GUCY2F: variants seen among roughly 807,000 people sequenced by gnomAD.
GUCY2F encodes the protein retinal guanylyl cyclase 2.
GUCY2F carries 61 observed loss-of-function variants against 73.1 expected under a neutral mutation model. That is an observed-to-expected ratio of 0.83 (90% CI 0.68 to 1.03). The LOEUF is 1.03. Among genes scored for constraint, GUCY2F ranks in the 50% least tolerant of loss-of-function variants. The pLI, the probability that GUCY2F is intolerant of heterozygous loss-of-function variation, is 0.00. For synonymous variants in GUCY2F, 331 were observed against 307.8 expected (o/e 1.08, Z -0.79); for missense variants, 912 against 854.3 (o/e 1.07, Z -0.84).
At chrX:109,451,923 A>G in intron 5 of GUCY2F, 100 bp downstream of exon 5, 3 of 532,363 alleles carry the variant, frequency 5.6e-6, no homozygotes, top group Non-Finnish European at 9.9e-6. Context: ...TGGGTCATGT[A>G]ATGAGGCAAT....
chrX:109,459,900 C>T lies in GUCY2F; in HGVS notation c.1032+5242G>A, dbSNP rs746667493. Among the ~76,000 whole-genome samples, 131 of 110,796 alleles carry T rather than the reference C, an allele frequency of 1.2e-3. 6 individuals carry two copies. The highest frequency in any genetic ancestry group is 7.8e-4 in the Non-Finnish European group (41 of 52,800). ...GAAAAATTAGGAACTGAGGAAAAAA[C>T]GGATAAAATAGAGAGCAGAAGAAAA... On this transcript the variant is annotated intron_variant, in intron 3 of 19. Transcript: ENST00000218006.
chrX:109,424,965 C>T lies in GUCY2F; in HGVS notation c.1791+5342G>A, dbSNP rs1011460742. On this transcript the variant is annotated intron_variant, in intron 8 of 19. Transcript: ENST00000218006. The stretch of plus-strand genomic sequence containing the variant: ...TATTTTTAGTACAGACAGGGTTTCA[C>T]CACGTTGGCCAGGCTGGTCTCGAAC... Among the ~76,000 whole-genome samples the T allele has an allele frequency of 3.6e-5, 4 of 110,815 alleles. No individual in the cohort carries two copies. In the Admixed American group the frequency reaches 3.9e-4, roughly 11 times the overall value.
In GUCY2F at chrX:109,430,361, TC is replaced by T. The variant is rs771129225; in HGVS notation, c.1736del (p.Gly579GlufsTer19). On this transcript the variant is annotated frameshift_variant, in exon 8 of 20. Coordinates refer to ENST00000218006, the MANE Select transcript of GUCY2F (RefSeq NM_001522.3). LOFTEE classifies it high-confidence loss of function. ...TGATGGACTTAAGGTCTCCAAAATC[TC>T]CAAGGGAGAACTTTTTCAGCCACAC... is the stretch of plus-strand genomic sequence containing the variant. ...DWVWLKKFSL[G>X]DFGDLKSIKS... 1.8e-6 allele frequency: 2 copies of T among 1,140,300 alleles called. No individual in the cohort carries two copies. The highest frequency in any genetic ancestry group is 3.6e-5 in the South Asian group (2 of 55,219). 94.0% of individuals were successfully genotyped at this position (1,140,300 alleles called of 1,213,427 possible). A position where few individuals can be genotyped will look rare whatever the true frequency, so the allele number is the denominator to read the frequency against.
intron 7 of GUCY2F, among the ~76,000 whole-genome samples, chrX:109,440,927 A>T (rs1931852774): frequency 8.9e-6 from 1 of 112,361 alleles, no homozygotes; most frequent in African/African-American, 3.2e-5. Context: ...TCAGAGGATA[A>T]CAAGTACAGG....
intron 7 of GUCY2F, among the ~76,000 whole-genome samples, 177 bp downstream of exon 7, chrX:109,441,174 C>G (rs1931858311): frequency 8.9e-6 from 1 of 111,936 alleles, no homozygotes; most frequent in Non-Finnish European, 1.9e-5. Context: ...AGATTTGTTG[C>G]TGAGGAAAAT....
At chrX:109,382,246 T>C in intron 16 of GUCY2F, 34 bp from the exon 17 acceptor site, 2 of 824,924 alleles carry the variant, frequency 2.4e-6, no homozygotes, top group Non-Finnish European at 3.7e-6. Flanking sequence ...TTTGGGCTCC[T>C]TTCTCACTGG....
At position 109,385,297 on chromosome X, in the gene GUCY2F, G is replaced by C; in HGVS notation, c.2957-15C>G. 2.0e-6 allele frequency: 2 copies of C among 986,021 alleles called. No individual in the cohort carries two copies. Among genetic ancestry groups the C allele is most frequent in the Non-Finnish European group, 2.9e-6 (2 of 696,858 alleles). The allele number at this position is 986,021 out of a possible 1,213,427, so 81.3% of individuals were successfully genotyped here. A position where few individuals can be genotyped will look rare whatever the true frequency, so the allele number is the denominator to read the frequency against. ...AACAACCGGCCCTATAGAGTATCAG[G>C]GGGTTGGAATTACAGTCAACAGGTA... On this transcript the variant is annotated splice_polypyrimidine_tract_variant and intron_variant, in intron 15 of 19. Coordinates refer to ENST00000218006, the MANE Select transcript of GUCY2F (RefSeq NM_001522.3).
intron 6 of GUCY2F, among the ~76,000 whole-genome samples, chrX:109,447,484 A>T (rs1047129642): frequency 1.5e-4 from 17 of 110,086 alleles, no homozygotes; most frequent in African/African-American, 5.3e-4. Context: ...AGGGACATGG[A>T]TGAAGCTGGA....
At chrX:109,436,610 A>G (rs776671348) in intron 7 of GUCY2F, among the ~76,000 whole-genome samples, 1 of 112,123 alleles carries the variant, frequency 8.9e-6, no homozygotes, top group Non-Finnish European at 1.9e-5. Flanking sequence ...CAGCCATAAA[A>G]AAGGATGAGT....
intron 7 of GUCY2F, among the ~76,000 whole-genome samples, chrX:109,436,928 A>T (rs189314256): frequency 4.7e-3 from 520 of 109,809 alleles, no homozygotes; most frequent in Non-Finnish European, 8.4e-3. Flanking sequence ...TAAAACTTAA[A>T]GTATAATAAT....
chrX:109,455,436 T>A (rs1932238052), intron 3 of GUCY2F, among the ~76,000 whole-genome samples: 1 of 111,835 alleles, frequency 8.9e-6, no homozygotes, highest in African/African-American at 3.2e-5. Context: ...AGAAGTTACA[T>A]GACCTGTCAA....
chrX:109,423,653 G>T (rs1281294478), intron 8 of GUCY2F, among the ~76,000 whole-genome samples: 3 of 103,235 alleles, frequency 2.9e-5, no homozygotes, highest in African/African-American at 1.1e-4. Context: ...CTGGGCTCAA[G>T]CTATCATCCT....
chrX:109,389,917 T>C (rs1174339320), intron 14 of GUCY2F, among the ~76,000 whole-genome samples: 1 of 111,798 alleles, frequency 8.9e-6, no homozygotes, highest in African/African-American at 3.3e-5. Context: ...TTTCAATCTA[T>C]AGGACTTTCT....
intron 9 of GUCY2F, among the ~76,000 whole-genome samples, chrX:109,405,412 C>T (rs1930949563): frequency 8.9e-6 from 1 of 111,956 alleles, no homozygotes; most frequent in Non-Finnish European, 1.9e-5. Context: ...AAGAAGAAAG[C>T]TGTCTAGTGC....
intron 8 of GUCY2F, among the ~76,000 whole-genome samples, chrX:109,416,933 C>CAAAAAAAAA (rs367707786): frequency 1.7e-5 from 1 of 57,626 alleles, no homozygotes; most frequent in African/African-American, 5.4e-5. Flanking sequence ...CAAAGAAATG[C>CAAAAAAAAA]AAAAAAAAAA....
At chrX:109,394,407 C>T (rs964415837) in intron 12 of GUCY2F, among the ~76,000 whole-genome samples, 3 of 112,157 alleles carry the variant, frequency 2.7e-5, no homozygotes, top group Non-Finnish European at 5.6e-5. Flanking sequence ...GAAACTCAGC[C>T]GGGCTAATGG....
In GUCY2F at chrX:109,417,863, T is replaced by A. The variant is rs765473236; in HGVS notation, c.1792-8695A>T. ...ATGTTATTATTGGACAAAATAGAAA[T>A]CAAGAAAAAAGTATTATCAGACATA... On this transcript the variant is annotated intron_variant, in intron 8 of 19. Transcript: ENST00000218006. Among the ~76,000 whole-genome samples, 4 of 110,717 alleles carry A rather than the reference T, an allele frequency of 3.6e-5. No homozygotes were observed. The South Asian group carries it at 1.5e-3, about 42-fold the overall frequency.
chrX:109,374,907 G>C (rs1445128717), intron 19 of GUCY2F, among the ~76,000 whole-genome samples: 13 of 111,891 alleles, frequency 1.2e-4, no homozygotes, highest in African/African-American at 4.2e-4. Flanking sequence ...AGATGCATTG[G>C]GGTTTCCTTA....
intron 9 of GUCY2F, among the ~76,000 whole-genome samples, chrX:109,407,679 C>T (rs1170534593): frequency 8.8e-6 from 1 of 113,068 alleles, no homozygotes. Context: ...GACTTGGTTC[C>T]CTGTGTCCCA....
Sources: allele counts gnomAD v4.1 joint callset (sites outside exome capture counted in the v4.1 genomes callset), GRCh38; gene constraint gnomAD v4.1.1; transcripts MANE v1.5; gene names NCBI Gene and HGNC (gene_info 2026-07-23, HGNC 2026-07-21).